The following PDE4D variants were observed in gnomAD, a reference collection of about 807,000 sequenced individuals.
The protein encoded by PDE4D is phosphodiesterase 4D.
Under a neutral mutation model 87.4 loss-of-function variants are expected in PDE4D, and 24 were observed. The ratio of observed to expected loss-of-function variants is 0.27; its 90% confidence interval spans 0.20 to 0.39. PDE4D has a LOEUF of 0.39. Ranked by LOEUF, PDE4D falls within the 10% of genes least tolerant of loss-of-function variation. The pLI is 1.00. For synonymous variants in PDE4D, 384 were observed against 383.2 expected (o/e 1.00, Z -0.02); for missense variants, 714 against 1,041.0 (o/e 0.69, Z 4.32).
chr5:60,344,826 CAT>C (rs1561143874), intron 1 of PDE4D, among the ~76,000 whole-genome samples: 1 of 152,066 alleles, frequency 6.6e-6, no homozygotes, highest in Non-Finnish European at 1.5e-5. Flanking sequence ...CGCATTTTGA[CAT>C]AGTTCATTCA....
intron 1 of PDE4D, among the ~76,000 whole-genome samples, chr5:59,350,395 T>G (rs2153586543): frequency 6.6e-6 from 1 of 152,264 alleles, no homozygotes; most frequent in East Asian, 1.9e-4. Flanking sequence ...GCTATCAAGT[T>G]GCATGACCCT....
At chr5:59,339,997 A>G (rs1157424982) in intron 1 of PDE4D, among the ~76,000 whole-genome samples, 3 of 149,646 alleles carry the variant, frequency 2.0e-5, no homozygotes, top group Admixed American at 6.7e-5. Context: ...CTGTTGCTTT[A>G]CAGGAATGTG....
intron 1 of PDE4D, among the ~76,000 whole-genome samples, chr5:60,208,222 A>G (rs1486550040): frequency 6.6e-6 from 1 of 152,250 alleles, no homozygotes; most frequent in Non-Finnish European, 1.5e-5. Flanking sequence ...AGACAAAAAT[A>G]GAGTGTATTA....
At chr5:59,556,782 A>C (rs895699910) in intron 1 of PDE4D, among the ~76,000 whole-genome samples, 9 of 152,252 alleles carry the variant, frequency 5.9e-5, no homozygotes, top group African/African-American at 2.2e-4. Context: ...TTAAAAAAAA[A>C]TTATTGACTT....
At chr5:59,227,308 C>T (rs1215111849) in intron 1 of PDE4D, among the ~76,000 whole-genome samples, 1 of 152,024 alleles carries the variant, frequency 6.6e-6, no homozygotes, top group East Asian at 1.9e-4. Flanking sequence ...CAAATAAATA[C>T]CACTTTGAAC....
At chr5:59,039,543 C>T (rs1031663569) in intron 5 of PDE4D, 1 of 985,356 alleles carries the variant, frequency 1.0e-6, no homozygotes, top group African/African-American at 1.7e-5. Context: ...ACTCCTCGGG[C>T]GGCAGGCGCA....
chr5:59,751,989 A>G (rs1456502802), intron 1 of PDE4D, among the ~76,000 whole-genome samples: 1 of 152,196 alleles, frequency 6.6e-6, no homozygotes, highest in Non-Finnish European at 1.5e-5. Flanking sequence ...TGACTATTTC[A>G]TCTCACTCAT....
intron 1 of PDE4D, among the ~76,000 whole-genome samples, chr5:60,290,784 C>A (rs569161774): frequency 6.6e-6 from 1 of 152,158 alleles, no homozygotes; most frequent in East Asian, 1.9e-4. Context: ...GCAGCCTAGG[C>A]AATCAGAGTG....
intron 1 of PDE4D, among the ~76,000 whole-genome samples, chr5:59,358,096 T>A (rs1229696714): frequency 6.6e-6 from 1 of 152,186 alleles, no homozygotes; most frequent in Non-Finnish European, 1.5e-5. Flanking sequence ...ATTCATATAA[T>A]TTCAATAAAA....
intron 1 of PDE4D, among the ~76,000 whole-genome samples, chr5:59,811,203 G>C (rs1482221957): frequency 2.3e-4 from 35 of 152,176 alleles, no homozygotes. Flanking sequence ...ACAGACCTAA[G>C]ACCTGGACTA....
At chr5:60,081,944 A>G (rs1774008837) in intron 2 of PDE4D, among the ~76,000 whole-genome samples, 1 of 152,188 alleles carries the variant, frequency 6.6e-6, no homozygotes, top group Non-Finnish European at 1.5e-5. Flanking sequence ...TAAATTCATC[A>G]GGATCATAGG....
chr5:60,435,030 T>C (rs1038394544), intron 1 of PDE4D, among the ~76,000 whole-genome samples: 4 of 152,256 alleles, frequency 2.6e-5, no homozygotes, highest in Non-Finnish European at 5.9e-5. Flanking sequence ...GTCAAGAAAC[T>C]GGAAGGACAA....
At chr5:59,058,456 G>C (rs1158693256) in intron 5 of PDE4D, among the ~76,000 whole-genome samples, 1 of 152,118 alleles carries the variant, frequency 6.6e-6, no homozygotes, top group Non-Finnish European at 1.5e-5. Context: ...CTTCCTTATA[G>C]GTACAGAGTC....
chr5:60,260,231 A>G (rs1197606192), intron 1 of PDE4D, among the ~76,000 whole-genome samples: 3 of 151,972 alleles, frequency 2.0e-5, no homozygotes, highest in Non-Finnish European at 2.9e-5. Context: ...CACATCTGAT[A>G]GTGATAAACT....
At chr5:59,487,197 A>T (rs1805306759) in intron 1 of PDE4D, among the ~76,000 whole-genome samples, 1 of 152,182 alleles carries the variant, frequency 6.6e-6, no homozygotes, top group Non-Finnish European at 1.5e-5. Flanking sequence ...AGCGTCTAAG[A>T]AGAGATGTAA....
chr5:59,617,890 C>G (rs79153638), intron 1 of PDE4D, among the ~76,000 whole-genome samples: 2 of 152,200 alleles, frequency 1.3e-5, no homozygotes, highest in Admixed American at 1.3e-4. Flanking sequence ...TCCTACCATA[C>G]CAATGAAGTG....
chr5:59,485,057 G>A (rs940143074), intron 1 of PDE4D, among the ~76,000 whole-genome samples: 2 of 152,178 alleles, frequency 1.3e-5, no homozygotes, highest in East Asian at 1.9e-4. Flanking sequence ...AGACTAGGAT[G>A]TAATAGATTC....
intron 1 of PDE4D, among the ~76,000 whole-genome samples, chr5:60,412,396 C>A (rs6449470): frequency 6.6e-6 from 1 of 152,058 alleles, no homozygotes. Flanking sequence ...TTTTAGAGAG[C>A]CTTACTCCAT....
At chr5:59,574,069 TA>T (rs1256780893) in intron 1 of PDE4D, among the ~76,000 whole-genome samples, 242 of 18,218 alleles carry the variant, frequency 0.013, 1 homozygote, top group East Asian at 0.033. Flanking sequence ...AAAATATATA[TA>T]TTTATATATA....
Sources: allele counts gnomAD v4.1 joint callset (sites outside exome capture counted in the v4.1 genomes callset), GRCh38; gene constraint gnomAD v4.1.1; transcripts MANE v1.5; gene names NCBI Gene and HGNC (gene_info 2026-07-23, HGNC 2026-07-21).